Variants in GRM5 observed in about 807,000 individuals in gnomAD.
GRM5 encodes glutamate metabotropic receptor 5, also known as metabotropic glutamate receptor 5.
A neutral mutation model predicts 83.1 loss-of-function variants in GRM5; 19 were observed. The ratio of observed to expected loss-of-function variants is 0.23; its 90% CI spans 0.16 to 0.34. The LOEUF (loss-of-function observed/expected upper bound fraction) is 0.34. Among genes scored for constraint, GRM5 ranks in the 10% least tolerant of loss-of-function variants. The pLI, the probability that GRM5 is intolerant of heterozygous loss-of-function variation, is 1.00. For missense variants in GRM5, 1,160 were observed against 1,588.3 expected (o/e 0.73, Z 4.58); for synonymous variants, 675 against 633.6 (o/e 1.07, Z -0.98).
At position 89,047,905 on chromosome 11, in the gene GRM5, C is replaced by A. The variant is rs201301914; in HGVS notation, c.-33G>T. ...AAGGAGTTCAAGCCAATAAAGATAG[C>A]ATGGTGGGGAAAATTCAGGAGGGTT... On this transcript the variant is annotated 5_prime_UTR_variant, in exon 2 of 10. The change abolishes an upstream ATG in the 5' untranslated region. Coordinates refer to ENST00000305447, the MANE Select transcript of GRM5 (RefSeq NM_001143831.3). This position sits in a 1 kb window ranked among gnomAD's most constrained non-coding sequence, Gnocchi z 5.1. 179 of 1,562,842 alleles carry A rather than the reference C, an allele frequency of 1.1e-4. 1 individual carries two copies. The South Asian group carries it at 1.5e-3, about 13-fold the overall frequency.
chr11:89,032,907 G>T (rs1333688457), intron 2 of GRM5, among the ~76,000 whole-genome samples: 3 of 151,942 alleles, frequency 2.0e-5, no homozygotes, highest in African/African-American at 7.2e-5. Context: ...ATAAATATGT[G>T]AAAAAGGAGT....
At chr11:88,669,000 G>A (rs1244171503) in intron 3 of GRM5, among the ~76,000 whole-genome samples, 3 of 152,122 alleles carry the variant, frequency 2.0e-5, no homozygotes, top group African/African-American at 4.8e-5. Flanking sequence ...AAAACAGTAT[G>A]TAGCTTCCTC....
chr11:88,519,764 G>A (rs1941626521), intron 9 of GRM5, among the ~76,000 whole-genome samples: 3 of 152,132 alleles, frequency 2.0e-5, no homozygotes. Context: ...AGACAAAACA[G>A]TAAATACGTA....
At chr11:88,820,542 A>G (rs1943771931) in intron 3 of GRM5, among the ~76,000 whole-genome samples, 2 of 152,236 alleles carry the variant, frequency 1.3e-5, no homozygotes, top group South Asian at 2.1e-4. Context: ...TTGAAAAACT[A>G]TGATGAACCT....
intron 3 of GRM5, among the ~76,000 whole-genome samples, chr11:88,831,108 T>C (rs1943984926): frequency 6.6e-6 from 1 of 151,914 alleles, no homozygotes; most frequent in Admixed American, 6.6e-5. Flanking sequence ...TGCACACATC[T>C]CAAGCCCTAA....
At chr11:88,834,804 G>A (rs1447083366) in intron 3 of GRM5, among the ~76,000 whole-genome samples, 1 of 152,108 alleles carries the variant, frequency 6.6e-6, no homozygotes, top group Non-Finnish European at 1.5e-5. Context: ...AAACTCATGG[G>A]GAGGGTGTCC....
intron 2 of GRM5, among the ~76,000 whole-genome samples, chr11:88,921,628 T>A (rs1158688509): frequency 5.4e-5 from 8 of 148,740 alleles, no homozygotes; most frequent in Non-Finnish European, 8.9e-5. Flanking sequence ...AGACTCCATT[T>A]AAAAAAAAAA....
At chr11:88,753,632 T>C (rs1364901761) in intron 3 of GRM5, among the ~76,000 whole-genome samples, 1 of 152,172 alleles carries the variant, frequency 6.6e-6, no homozygotes, top group African/African-American at 2.4e-5. Flanking sequence ...CATATATTCA[T>C]TGAAGCACTA....
In GRM5 at chr11:88,693,843, GA is replaced by G. The variant is rs1402323292; in HGVS notation, c.912-40441del. On this transcript the variant is annotated intron_variant, in intron 3 of 9. Coordinates refer to ENST00000305447, the MANE Select transcript of GRM5 (RefSeq NM_001143831.3). ...CTAAGGAATGAAATGTTAGGTGTGG[GA>G]AAAATACATTCCTAATGCGTGATAG... Among the ~76,000 whole-genome samples the G allele has an allele frequency of 5.5e-5, 8 of 146,074 alleles. No homozygotes were observed. The East Asian group carries it at 1.6e-3, about 29-fold the overall frequency.
rs369955787 is a variant in GRM5, at chr11:88,902,824, G to A, written c.662-52669C>T. On this transcript the variant is annotated intron_variant, in intron 2 of 9. Transcript: ENST00000305447. ...AAATTAGCCAGGCATGGTGGTATGC[G>A]CCTGTGGTACCAGCTACTAGGGAGG... 1.7e-4 allele frequency among the ~76,000 whole-genome samples: 26 copies of A among 151,800 alleles called. No homozygotes were observed. The East Asian group carries it at 2.1e-3, about 12-fold the overall frequency.
intron 3 of GRM5, among the ~76,000 whole-genome samples, chr11:88,776,616 T>C (rs1942856579): frequency 6.6e-6 from 1 of 152,212 alleles, no homozygotes; most frequent in South Asian, 2.1e-4. Context: ...CTGCGGGAGC[T>C]CTTGTAACGC....
chr11:88,740,050 T>C (rs1444436396), intron 3 of GRM5, among the ~76,000 whole-genome samples: 1 of 152,102 alleles, frequency 6.6e-6, no homozygotes, highest in African/African-American at 2.4e-5. Flanking sequence ...AGTGTTCAAT[T>C]TGATCACTTG....
At chr11:88,797,454 T>C (rs1943303315) in intron 3 of GRM5, among the ~76,000 whole-genome samples, 1 of 152,214 alleles carries the variant, frequency 6.6e-6, no homozygotes, top group East Asian at 1.9e-4. Context: ...ATTGGGTTTT[T>C]AATTATAAAC....
intron 2 of GRM5, among the ~76,000 whole-genome samples, chr11:88,945,129 TACACACAC>T (rs10587949): frequency 6.0e-5 from 9 of 148,914 alleles, no homozygotes; most frequent in Non-Finnish European, 1.2e-4. Flanking sequence ...CACACACACA[TACACACAC>T]ACACACACAC....
At chr11:88,546,021 C>T (rs1449027624) in intron 8 of GRM5, among the ~76,000 whole-genome samples, 1 of 151,988 alleles carries the variant, frequency 6.6e-6, no homozygotes, top group Non-Finnish European at 1.5e-5. Context: ...TTGCTAGTCT[C>T]CTAAAATGAA....
At chr11:88,793,257 T>A (rs1943211447) in intron 3 of GRM5, among the ~76,000 whole-genome samples, 1 of 152,140 alleles carries the variant, frequency 6.6e-6, no homozygotes, top group African/African-American at 2.4e-5. Context: ...CAAGAAAGCA[T>A]ATATATGAAC....
intron 3 of GRM5, among the ~76,000 whole-genome samples, chr11:88,809,195 T>A (rs74421258): frequency 6.6e-6 from 1 of 152,030 alleles, no homozygotes; most frequent in Non-Finnish European, 1.5e-5. Flanking sequence ...TGAAAAATAA[T>A]CTCATCGTGG....
rs546062325 is a variant in GRM5, at chr11:89,027,612, C to T, written c.661+19600G>A. ...GACCAAGCTCTCATAAATTAGTCAC[C>T]CTGGTCTAGTCTACAAAATAAGACC... On this transcript the variant is annotated intron_variant, in intron 2 of 9. Transcript: ENST00000305447. Among the ~76,000 whole-genome samples the T allele has an allele frequency of 2.6e-5, 4 of 152,268 alleles. No homozygotes were observed. In the East Asian group the frequency reaches 7.7e-4, roughly 29 times the overall value.
At chr11:88,917,787 CAG>C (rs908367234) in intron 2 of GRM5, among the ~76,000 whole-genome samples, 6 of 151,514 alleles carry the variant, frequency 4.0e-5, no homozygotes, top group African/African-American at 1.5e-4. Flanking sequence ...AACACACAGA[CAG>C]AGGAAAGCAA....
Sources: gnomAD v4.1 joint callset for allele counts (sites outside exome capture counted in the v4.1 genomes callset) on GRCh38, gnomAD v4.1.1 for gene constraint, Gnocchi (gnomAD v3.1) non-coding constraint, MANE v1.5 for transcripts, NCBI Gene and HGNC (gene_info 2026-07-23, HGNC 2026-07-21) for gene names.